The following CDYL variants were observed in gnomAD, a reference collection of about 807,000 sequenced individuals.
The protein encoded by CDYL is chromodomain Y-like protein.
In CDYL, 8 loss-of-function variants were observed where a neutral mutation model predicts 47.3. The ratio of observed to expected loss-of-function variants is 0.17; its 90% CI spans 0.10 to 0.31. The LOEUF (loss-of-function observed/expected upper bound fraction) is 0.31. CDYL is among the 10% of genes least tolerant of loss of function. The pLI is 1.00. For synonymous variants in CDYL, 266 were observed against 265.0 expected (o/e 1.00, Z -0.04); for missense variants, 471 against 701.4 (o/e 0.67, Z 3.71).
chr6:4,805,469 A>G (rs368956055), intron 1 of CDYL, among the ~76,000 whole-genome samples: 1 of 152,238 alleles, frequency 6.6e-6, no homozygotes, highest in Non-Finnish European at 1.5e-5. Context: ...ACGAACCCAT[A>G]GGTTAGAGAG....
At chr6:4,716,825 A>G (rs995933143) in intron 2 of CDYL, among the ~76,000 whole-genome samples, 3 of 152,142 alleles carry the variant, frequency 2.0e-5, no homozygotes, top group African/African-American at 7.2e-5. Context: ...GGTGTTTAGC[A>G]ATGAGCAAGA....
intron 2 of CDYL, among the ~76,000 whole-genome samples, chr6:4,898,577 C>A (rs1397685671): frequency 6.6e-6 from 1 of 152,182 alleles, no homozygotes; most frequent in East Asian, 1.9e-4. Context: ...CACAGCCTCC[C>A]TCCTTTCTAA....
At chr6:4,737,909 A>G (rs969916629) in intron 3 of CDYL, among the ~76,000 whole-genome samples, 1 of 152,248 alleles carries the variant, frequency 6.6e-6, no homozygotes, top group Non-Finnish European at 1.5e-5. Context: ...ACTTCAACAC[A>G]ATAACAGACA....
intron 2 of CDYL, among the ~76,000 whole-genome samples, chr6:4,923,785 C>T (rs975690626): frequency 2.0e-5 from 3 of 151,978 alleles, no homozygotes; most frequent in Non-Finnish European, 4.4e-5. Flanking sequence ...CCTGTAGTCC[C>T]AGCTACTCGG....
chr6:4,773,292 A>G, upstream of CDYL: 1 of 411,086 alleles, frequency 2.4e-6, no homozygotes, highest in East Asian at 7.4e-5. The surrounding 1 kb of genome is among the most constrained non-coding windows in gnomAD (Gnocchi z 4.6). Flanking sequence ...AGTGCATGGT[A>G]TTGTGCTGTA....
chr6:4,878,933 A>G (rs1485083910), intron 1 of CDYL, among the ~76,000 whole-genome samples: 2 of 151,772 alleles, frequency 1.3e-5, no homozygotes, highest in East Asian at 1.9e-4. Context: ...ATTTTCTAAC[A>G]TTTTTTGTGT....
intron 3 of CDYL, among the ~76,000 whole-genome samples, chr6:4,741,489 T>C (rs562651653): frequency 6.6e-6 from 1 of 152,306 alleles, no homozygotes; most frequent in Non-Finnish European, 1.5e-5. Context: ...TCATGCTCCA[T>C]TGCATTCTCT....
intron 1 of CDYL, among the ~76,000 whole-genome samples, chr6:4,785,399 G>T (rs1758729646): frequency 6.6e-6 from 1 of 152,072 alleles, no homozygotes; most frequent in African/African-American, 2.4e-5. Flanking sequence ...TTTGTAGTAG[G>T]CTCTCTGCTA....
intron 1 of CDYL, among the ~76,000 whole-genome samples, chr6:4,811,820 G>C (rs555026328): frequency 3.3e-5 from 5 of 152,056 alleles, no homozygotes; most frequent in African/African-American, 1.2e-4. Flanking sequence ...TTAGAGATGG[G>C]TCTCACTGTT....
intron 1 of CDYL, among the ~76,000 whole-genome samples, chr6:4,808,929 C>T (rs769875690): frequency 8.5e-5 from 13 of 152,082 alleles, no homozygotes; most frequent in Admixed American, 2.0e-4. Context: ...GGTTGATTGT[C>T]ATTGTGTGTT....
intron 2 of CDYL, among the ~76,000 whole-genome samples, chr6:4,907,547 G>A (rs894225439): frequency 6.6e-6 from 1 of 151,930 alleles, no homozygotes; most frequent in African/African-American, 2.4e-5. Flanking sequence ...TGTAGGGATG[G>A]GGTTTCACCA....
intron 1 of CDYL, among the ~76,000 whole-genome samples, chr6:4,824,288 A>T (rs141367064): frequency 2.0e-5 from 3 of 152,292 alleles, no homozygotes; most frequent in Non-Finnish European, 4.4e-5. Context: ...TTGTTGGGTC[A>T]TATGGTAATT....
chr6:4,798,433 TC>T (rs2127437953), intron 1 of CDYL, among the ~76,000 whole-genome samples: 1 of 152,352 alleles, frequency 6.6e-6, no homozygotes, highest in African/African-American at 2.4e-5. Flanking sequence ...ATGAAAAGTC[TC>T]CTGTCCTCCT....
chr6:4,782,444 G>A (rs1051898191), intron 1 of CDYL, among the ~76,000 whole-genome samples: 1 of 152,090 alleles, frequency 6.6e-6, no homozygotes, highest in Non-Finnish European at 1.5e-5. Context: ...TATGCCTCTT[G>A]CTGTTCTTTT....
At chr6:4,713,112 C>G (rs1249012432) in intron 1 of CDYL, among the ~76,000 whole-genome samples, 1 of 152,114 alleles carries the variant, frequency 6.6e-6, no homozygotes. Context: ...ATGAGGGGGT[C>G]GAGCAAAATG....
chr6:4,837,574 C>T (rs1354280009), intron 1 of CDYL, among the ~76,000 whole-genome samples: 1 of 147,700 alleles, frequency 6.8e-6, no homozygotes, highest in Non-Finnish European at 1.5e-5. Context: ...AAGCGATTCT[C>T]CTGCCTCAGC....
Position 4,891,879 on chromosome 6 carries a change from A to C in CDYL, c.191A>C (p.Lys64Thr). Residue 64 changes from lysine (K) to threonine (T), a missense_variant, in exon 2 of 7, where the codon AAG (lysine) becomes ACG (threonine). Physicochemically the swap from Lys to Thr is moderately conservative, Grantham distance 78. This residue lies in a region of CDYL where 311 missense variants were observed against 350.0 expected (regional missense o/e 0.89). Transcript: ENST00000397588. Reference sequence around the variant, plus strand: ...AACAGACGCCACACGGAGAAGCAGAAGGAGAGCACATTGACCAGAACAAAC... The same window carrying C: ...AACAGACGCCACACGGAGAAGCAGACGGAGAGCACATTGACCAGAACAAAC... ...DFNRRHTEKQ[K>T]ESTLTRTNRT... 6.2e-7 allele frequency: 1 copy of C among 1,614,198 alleles called. No homozygotes were observed. Among genetic ancestry groups the C allele is most frequent in the Non-Finnish European group, 8.5e-7 (1 of 1,180,038 alleles).
At chr6:4,855,255 A>G (rs924801066) in intron 1 of CDYL, among the ~76,000 whole-genome samples, 2 of 152,170 alleles carry the variant, frequency 1.3e-5, no homozygotes, top group Non-Finnish European at 2.9e-5. Context: ...TTCTCTATTA[A>G]TATCCTCCCA....
rs138685273 is a variant in CDYL, at chr6:4,726,789, C to A, written c.104-7973C>A. 8.8e-4 allele frequency among the ~76,000 whole-genome samples: 134 copies of A among 152,040 alleles called. 1 individual carries two copies. The South Asian group carries it at 0.017, about 19-fold the overall frequency. On this transcript the variant is annotated intron_variant, in intron 2 of 8. Transcript: ENST00000328908. ...GCAGAAATTCCTCACACAATGATAT[C>A]ATCATGGCAGCTAATGTCTCATGAA...
Sources: gnomAD v4.1 joint callset for allele counts (sites outside exome capture counted in the v4.1 genomes callset) on GRCh38, gnomAD v4.1.1 for gene constraint, gnomAD v4.1.1 regional missense constraint, Gnocchi (gnomAD v3.1) non-coding constraint, MANE v1.5 for transcripts, NCBI Gene and HGNC (gene_info 2026-07-23, HGNC 2026-07-21) for gene names.